The following AAGAB variants were observed in gnomAD, a reference collection of about 807,000 sequenced individuals.
The protein encoded by AAGAB is alpha- and gamma-adaptin-binding protein p34.
AAGAB carries 38 observed loss-of-function variants against 44.1 expected under a neutral mutation model. That is an observed-to-expected ratio of 0.86 (90% CI 0.67 to 1.13). AAGAB has a LOEUF of 1.13. Ranked by LOEUF, AAGAB falls within the 50% of genes most tolerant of loss-of-function variation. AAGAB has a pLI of 0.00. For missense variants in AAGAB, 450 were observed against 373.8 expected (o/e 1.20, Z -1.68); for synonymous variants, 131 against 131.8 (o/e 0.99, Z 0.04).
chr15:67,214,798 G>A (rs11071941), intron 5 of AAGAB, among the ~76,000 whole-genome samples: 41 of 152,112 alleles, frequency 2.7e-4, no homozygotes, highest in Non-Finnish European at 5.6e-4. Flanking sequence ...CCGCCACCGC[G>A]CCTGGCTAAT....
chr15:67,253,948 GAGTT>G (rs1343971056), intron 1 of AAGAB, among the ~76,000 whole-genome samples: 1 of 152,102 alleles, frequency 6.6e-6, no homozygotes, highest in Non-Finnish European at 1.5e-5. Flanking sequence ...TCTCTTTTAA[GAGTT>G]AGTAAGTCTG....
In AAGAB at chr15:67,204,039, ATTAC is replaced by A; in HGVS notation, c.820+1_820+4del. 6.4e-7 allele frequency: 1 copy of A among 1,553,380 alleles called. No individual in the cohort carries two copies. Among genetic ancestry groups the A allele is most frequent in the South Asian group, 1.1e-5 (1 of 89,410 alleles). On this transcript the variant is annotated splice_donor_variant and splice_donor_region_variant and intron_variant, in intron 8 of 9. Transcript: ENST00000261880. LOFTEE classifies it high-confidence loss of function. ...GAACATATTAGACACAATGGATCTG[ATTAC>A]CTTTCATTTCCTTTAACTTTGAAAA...
intron 5 of AAGAB, among the ~76,000 whole-genome samples, chr15:67,217,804 G>A (rs1963985222): frequency 6.6e-6 from 1 of 152,170 alleles, no homozygotes; most frequent in Admixed American, 6.5e-5. Flanking sequence ...CCAACATGCT[G>A]GAATCACAGG....
In AAGAB at chr15:67,201,022, G is replaced by GCACAGTTTATAAATAAAT. The variant is rs1485417118; in HGVS notation, c.*1781_*1798dup. The GCACAGTTTATAAATAAAT allele has an allele frequency of 2.0e-5, 3 of 152,284 alleles. No individual in the cohort carries two copies. The highest frequency in any genetic ancestry group is 4.8e-5 in the African/African-American group (2 of 41,446). The allele number at this position is 152,284 out of a possible 1,614,324, so 9.4% of individuals were successfully genotyped here. A position where few individuals can be genotyped will look rare whatever the true frequency, so the allele number is the denominator to read the frequency against. On this transcript the variant is annotated 3_prime_UTR_variant, in exon 10 of 10. Coordinates refer to ENST00000261880, the MANE Select transcript of AAGAB (RefSeq NM_024666.5). ...CACAAAATCATAATAATAGACATTA[G>GCACAGTTTATAAATAAAT]CACAGTTTATAAATAAATCACATTT...
chr15:67,231,136 C>T (rs1964325367), intron 5 of AAGAB, among the ~76,000 whole-genome samples: 2 of 152,066 alleles, frequency 1.3e-5, no homozygotes, highest in Admixed American at 1.3e-4. Flanking sequence ...ACTTCTTGGG[C>T]TCAAGCAATT....
At chr15:67,254,875 G>T (rs939941137), upstream of AAGAB, 2 of 1,612,048 alleles carry the variant, frequency 1.2e-6, no homozygotes, top group Non-Finnish European at 1.7e-6. Context: ...CTCCGCGGAG[G>T]TAGCCGTTCC....
At chr15:67,235,664 T>A (rs528802285) in intron 4 of AAGAB, among the ~76,000 whole-genome samples, 31 of 152,318 alleles carry the variant, frequency 2.0e-4, no homozygotes, top group Admixed American at 1.6e-3. Context: ...ACTACGAAGG[T>A]CTAACTCTCC....
chr15:67,225,889 G>A (rs1964192585), intron 5 of AAGAB, among the ~76,000 whole-genome samples: 1 of 152,134 alleles, frequency 6.6e-6, no homozygotes, highest in Non-Finnish European at 1.5e-5. Flanking sequence ...ATATAGCTAG[G>A]AGTGGAACTG....
chr15:67,206,714 T>C (rs1435469861), intron 7 of AAGAB, among the ~76,000 whole-genome samples: 2 of 152,202 alleles, frequency 1.3e-5, no homozygotes, highest in African/African-American at 2.4e-5. Context: ...CTGGAAGCTC[T>C]TTCAGGTTGG....
Position 67,236,046 on chromosome 15 carries a change from T to A in AAGAB, c.384A>T (p.Gln128His). 1 of 1,613,110 alleles carries A rather than the reference T, an allele frequency of 6.2e-7. No individual in the cohort carries two copies. Among genetic ancestry groups the A allele is most frequent in the Non-Finnish European group, 8.5e-7 (1 of 1,179,418 alleles). Reference sequence around the variant, plus strand: ...CAAAGCCATGTTTGATGCACCATTCTTGAGCTTTTTGTCGGTTTATACCTA... The same window carrying A: ...CAAAGCCATGTTTGATGCACCATTCATGAGCTTTTTGTCGGTTTATACCTA... ...SEDGINRQKA[Q>H]EWCIKHGFEL... The change falls in exon 4 of 10, where the codon CAA becomes CAT. Residue 128 changes from glutamine (Q) to histidine (H), a missense_variant. Gln to His is a conservative substitution (Grantham distance 24). Transcript: ENST00000261880.
At chr15:67,219,709 A>T (rs945705960) in intron 5 of AAGAB, among the ~76,000 whole-genome samples, 4 of 152,198 alleles carry the variant, frequency 2.6e-5, no homozygotes, top group Admixed American at 6.5e-5. Context: ...GCAATGGAAT[A>T]ATTAGACTTC....
At chr15:67,233,117 T>C (rs1964379476) in intron 4 of AAGAB, among the ~76,000 whole-genome samples, 1 of 152,204 alleles carries the variant, frequency 6.6e-6, no homozygotes, top group Non-Finnish European at 1.5e-5. Flanking sequence ...GTCCTCTTAT[T>C]AACAGTATGT....
At chr15:67,233,563 A>T (rs1227280128) in intron 4 of AAGAB, among the ~76,000 whole-genome samples, 1 of 152,198 alleles carries the variant, frequency 6.6e-6, no homozygotes, top group Non-Finnish European at 1.5e-5. Context: ...CCCTGTCTCT[A>T]GTGGCCAGCC....
chr15:67,233,172 A>C (rs1366353584), intron 4 of AAGAB, among the ~76,000 whole-genome samples: 1 of 152,206 alleles, frequency 6.6e-6, no homozygotes, highest in Non-Finnish European at 1.5e-5. Flanking sequence ...AAACCATAGA[A>C]TAATAAGTGT....
At chr15:67,254,963 C>A (rs3743347), upstream of AAGAB, 384,627 of 1,607,192 alleles carry the variant, frequency 0.24, 49,564 homozygotes, top group East Asian at 0.48. Flanking sequence ...AAACGGGCTT[C>A]CCCCGGCCCT....
At chr15:67,239,251 CATTACTAACTGCAATTTAAA>C (rs1004202460) in intron 1 of AAGAB, among the ~76,000 whole-genome samples, 21 of 152,224 alleles carry the variant, frequency 1.4e-4, no homozygotes, top group African/African-American at 4.8e-4. Flanking sequence ...CTTAAAATGG[CATTACTAACTGCAATTTAAA>C]ATTACTAACT....
chr15:67,210,949 T>G (rs1963803682), intron 5 of AAGAB, among the ~76,000 whole-genome samples: 1 of 152,218 alleles, frequency 6.6e-6, no homozygotes. Flanking sequence ...TCTCTATCTC[T>G]TCCCTGACCT....
At position 67,202,758 on chromosome 15, in the gene AAGAB, TGAGTA is replaced by T; in HGVS notation, c.*58_*62del. ...CAATTTTGGCAAAATATGACTGGGCTGAGTAGAGAGGTATCTCAGAGACAGCTAGC... is the reference window on the plus strand; with the variant it reads ...CAATTTTGGCAAAATATGACTGGGCTGAGAGGTATCTCAGAGACAGCTAGC... On this transcript the variant is annotated 3_prime_UTR_variant, in exon 10 of 10. Transcript: ENST00000261880. The T allele has an allele frequency of 6.5e-7, 1 of 1,547,014 alleles. No homozygotes were observed. The highest frequency in any genetic ancestry group is 1.1e-5 in the South Asian group (1 of 89,684).
intron 8 of AAGAB, 64 bp from the exon 9 acceptor site, chr15:67,203,661 T>C: frequency 7.3e-7 from 1 of 1,376,108 alleles, no homozygotes; most frequent in Non-Finnish European, 1.0e-6. Context: ...AGTATATGAA[T>C]AACACTAGAA....
Sources: allele counts gnomAD v4.1 joint callset (sites outside exome capture counted in the v4.1 genomes callset), GRCh38; gene constraint gnomAD v4.1.1; transcripts MANE v1.5; gene names NCBI Gene and HGNC (gene_info 2026-07-23, HGNC 2026-07-21).